The following ZNF536 variants were observed in gnomAD, a reference collection of about 807,000 sequenced individuals.
ZNF536 encodes the protein zinc finger protein 536.
A neutral mutation model predicts 84.5 loss-of-function variants in ZNF536; 13 were observed. The observed-to-expected ratio is 0.15, with a 90% confidence interval of 0.10 to 0.24. The LOEUF is 0.24. ZNF536 is among the 10% of genes least tolerant of loss of function. The pLI, the probability that ZNF536 is intolerant of heterozygous loss-of-function variation, is 1.00. For missense variants in ZNF536, 1,536 were observed against 1,747.5 expected (o/e 0.88, Z 2.16); for synonymous variants, 811 against 742.5 (o/e 1.09, Z -1.50).
chr19:30,433,416 A>G (rs1372126926), intron 1 of ZNF536, among the ~76,000 whole-genome samples: 3 of 152,262 alleles, frequency 2.0e-5, no homozygotes, highest in South Asian at 4.1e-4. Flanking sequence ...ACATGTAGGC[A>G]TTACAAAATG....
chr19:30,262,378 T>C (rs1373010427), intron 1 of ZNF536, among the ~76,000 whole-genome samples: 1 of 152,352 alleles, frequency 6.6e-6, no homozygotes, highest in Non-Finnish European at 1.5e-5. Flanking sequence ...ACCTTGTAAC[T>C]CTGGGCTGAT....
rs370310886 is a variant in ZNF536, at chr19:30,509,744, C to G, written c.2171-25103C>G. Among the ~76,000 whole-genome samples, 302 of 152,278 alleles carry G rather than the reference C, an allele frequency of 2.0e-3. 1 individual carries two copies. Among genetic ancestry groups the G allele is most frequent in the African/African-American group, 6.2e-3 (257 of 41,552 alleles). Reference sequence around the variant, plus strand: ...CCCACAATCAGTACACTTTTCTTACCTACAGTTCTCATGTTGCACATTTGA... The same window carrying G: ...CCCACAATCAGTACACTTTTCTTACGTACAGTTCTCATGTTGCACATTTGA... On this transcript the variant is annotated intron_variant, in intron 2 of 4. Coordinates refer to ENST00000355537, the MANE Select transcript of ZNF536 (RefSeq NM_014717.3).
Position 30,402,984 on chromosome 19 carries a change from A to T in ZNF536, c.-3+30428A>T, listed in dbSNP as rs192693747. On this transcript the variant is annotated intron_variant, in intron 1 of 4. Transcript: ENST00000355537. ...GACAGACTTCTCCCTGGAGTCAAGG[A>T]ATAAATGTTTACATTTGGTGTTGCC... 2.3e-3 allele frequency among the ~76,000 whole-genome samples: 351 copies of T among 151,986 alleles called. 12 individuals are homozygous for T. The highest frequency in any genetic ancestry group is 2.0e-3 in the Non-Finnish European group (136 of 67,980).
chr19:30,526,442 G>C (rs1286517577), intron 2 of ZNF536, among the ~76,000 whole-genome samples: 1 of 150,050 alleles, frequency 6.7e-6, no homozygotes, highest in East Asian at 1.9e-4. Context: ...ACAGGTTCAG[G>C]GGCCGGGCGC....
intron 1 of ZNF536, among the ~76,000 whole-genome samples, chr19:30,620,778 C>T (rs1416706001): frequency 6.6e-6 from 1 of 152,044 alleles, no homozygotes; most frequent in Admixed American, 6.6e-5. Context: ...TGCAAAACAA[C>T]ATAAAAGGTC....
intron 2 of ZNF536, among the ~76,000 whole-genome samples, chr19:30,499,774 G>A (rs1443329415): frequency 6.6e-6 from 1 of 152,216 alleles, no homozygotes; most frequent in African/African-American, 2.4e-5. Context: ...GCCAGGAGGA[G>A]AAAGGTCTTG....
At chr19:30,384,102 T>TTC (rs1319200997) in intron 1 of ZNF536, among the ~76,000 whole-genome samples, 24 of 22,992 alleles carry the variant, frequency 1.0e-3, no homozygotes, top group Non-Finnish European at 1.5e-3. Flanking sequence ...CTCTTTCTCT[T>TTC]TCTTTCTTTC....
At chr19:30,585,669 C>T (rs540475279) in intron 1 of ZNF536, among the ~76,000 whole-genome samples, 1 of 152,250 alleles carries the variant, frequency 6.6e-6, no homozygotes, top group South Asian at 2.1e-4. Flanking sequence ...AACCATAAGC[C>T]TTCTGTCTCA....
At chr19:30,279,262 G>C (rs1443215549) in intron 1 of ZNF536, among the ~76,000 whole-genome samples, 1 of 152,104 alleles carries the variant, frequency 6.6e-6, no homozygotes, top group Non-Finnish European at 1.5e-5. Flanking sequence ...TTTGAATCTG[G>C]TCTCGGAAAC....
In ZNF536 at chr19:30,255,138, A is replaced by G. The variant is rs184256452; in HGVS notation, c.-190+26465A>G. Among the ~76,000 whole-genome samples, 11 of 152,284 alleles carry G rather than the reference A, an allele frequency of 7.2e-5. No homozygotes were observed. The East Asian group carries it at 2.1e-3, about 29-fold the overall frequency. ...TTGCATTTTTACTCAAGATAGGGGC[A>G]ATGATAGTGTCTCTGGATCTATTCC... On this transcript the variant is annotated intron_variant, in intron 1 of 5. Coordinates refer to the ZNF536 transcript ENST00000585628.
At chr19:30,493,089 CTTTTTTT>C (rs201787656) in intron 2 of ZNF536, among the ~76,000 whole-genome samples, 12 of 71,602 alleles carry the variant, frequency 1.7e-4, no homozygotes, top group East Asian at 5.2e-4. Flanking sequence ...ATATTACTCA[CTTTTTTT>C]TTTTTTTTTT....
At chr19:30,611,229 G>A (rs537280089) in intron 1 of ZNF536, among the ~76,000 whole-genome samples, 1 of 152,230 alleles carries the variant, frequency 6.6e-6, no homozygotes, top group South Asian at 2.1e-4. Context: ...GCAGGAAGGA[G>A]TCTCCTCTCT....
intron 1 of ZNF536, among the ~76,000 whole-genome samples, chr19:30,393,805 T>A (rs1291127309): frequency 2.0e-5 from 3 of 152,182 alleles, no homozygotes; most frequent in Non-Finnish European, 4.4e-5. Flanking sequence ...CACAGAGGCC[T>A]TGATGAAGGA....
Position 30,508,820 on chromosome 19 carries a change from CTTTTTTTT to C in ZNF536, c.2171-26009_2171-26002del, listed in dbSNP as rs914349353. 4.9e-3 allele frequency among the ~76,000 whole-genome samples: 339 copies of C among 68,792 alleles called. 1 individual carries two copies. The highest frequency in any genetic ancestry group is 0.012 in the African/African-American group (180 of 15,554). The allele number at this position is 68,792 out of a possible 152,430, so 45.1% of individuals were successfully genotyped here. On this transcript the variant is annotated intron_variant, in intron 2 of 4. Coordinates refer to ENST00000355537, the MANE Select transcript of ZNF536 (RefSeq NM_014717.3). ...TCTTTTCTCTTTTCTTTCTTTCTTTCTTTTTTTTTTTTTTTTTTTTTTTTTGCGTCAGG... is the reference window on the plus strand; with the variant it reads ...TCTTTTCTCTTTTCTTTCTTTCTTTCTTTTTTTTTTTTTTTTTGCGTCAGG...
At chr19:30,301,151 C>T (rs767371540) in intron 2 of ZNF536, among the ~76,000 whole-genome samples, 9 of 152,156 alleles carry the variant, frequency 5.9e-5, no homozygotes, top group African/African-American at 1.4e-4. Context: ...TGGCTGTGGA[C>T]GTTTTCATAG....
upstream of ZNF536, among the ~76,000 whole-genome samples, chr19:30,371,313 A>G (rs1271020438): frequency 1.3e-5 from 2 of 152,238 alleles, no homozygotes; most frequent in African/African-American, 4.8e-5. Flanking sequence ...GCTTCATGAA[A>G]TAATGGAACA....
At chr19:30,590,264 A>G (rs2047230425) in intron 1 of ZNF536, among the ~76,000 whole-genome samples, 1 of 152,192 alleles carries the variant, frequency 6.6e-6, no homozygotes, top group Admixed American at 6.5e-5. Context: ...ATTGAAGAAT[A>G]AACACCCAAG....
At chr19:30,599,386 C>T (rs1328789440) in intron 1 of ZNF536, among the ~76,000 whole-genome samples, 1 of 133,542 alleles carries the variant, frequency 7.5e-6, no homozygotes, top group Non-Finnish European at 1.6e-5. Flanking sequence ...ATCTTTTGTC[C>T]CTCCTTTCCT....
intron 1 of ZNF536, among the ~76,000 whole-genome samples, chr19:30,639,821 C>A (rs1226022478): frequency 6.6e-6 from 1 of 152,112 alleles, no homozygotes; most frequent in Non-Finnish European, 1.5e-5. Context: ...TTTGTAAGTT[C>A]ACAACTGTCT....
Sources: allele counts gnomAD v4.1 joint callset (sites outside exome capture counted in the v4.1 genomes callset), GRCh38; gene constraint gnomAD v4.1.1; transcripts MANE v1.5; gene names NCBI Gene and HGNC (gene_info 2026-07-23, HGNC 2026-07-21).